The following TP53I3 variants were observed in gnomAD, a reference collection of about 807,000 sequenced individuals.
The protein encoded by TP53I3 is quinone oxidoreductase PIG3.
In TP53I3, 32 loss-of-function variants were observed where a neutral mutation model predicts 27.7. The ratio of observed to expected loss-of-function variants is 1.16; its 90% CI spans 0.87 to 1.55. The LOEUF is 1.55. Ranked by LOEUF, TP53I3 falls within the 40% of genes most tolerant of loss-of-function variation. TP53I3 has a pLI of 0.00. For missense variants in TP53I3, 372 were observed against 412.3 expected, an observed-to-expected ratio of 0.90 and a Z score of 0.85; for synonymous variants, 138 against 167.8, an observed-to-expected ratio of 0.82 and a Z score of 1.37.
Position 24,084,217 on chromosome 2 carries a change from C to G in TP53I3, c.110G>C (p.Ser37Thr), listed in dbSNP as rs1665148157. Residue 37 changes from serine (S) to threonine (T), a missense_variant, in exon 1 of 5, where the codon AGC becomes ACC. Ser to Thr is a moderately conservative substitution (Grantham distance 58). Transcript: ENST00000238721. The surrounding 1 kb of genome is among the most constrained non-coding windows in gnomAD (Gnocchi z 8.4). ...EGEVLLKVAASALNRADLMQR... is the reference protein window; with the variant it reads ...EGEVLLKVAATALNRADLMQR... Reference sequence around the variant, plus strand: ...CATTAAGTCCGCCCGGTTCAGGGCGCTGGCCGCCACCTTCAGGAGGACTTC... The same window carrying G: ...CATTAAGTCCGCCCGGTTCAGGGCGGTGGCCGCCACCTTCAGGAGGACTTC... 6.2e-7 allele frequency: 1 copy of G among 1,613,664 alleles called. No homozygotes were observed. Among genetic ancestry groups the G allele is most frequent in the African/African-American group, 1.3e-5 (1 of 74,942 alleles).
Position 24,082,997 on chromosome 2 carries a change from G to A in TP53I3, c.294C>T (p.Tyr98=), listed in dbSNP as rs2303288. Reference sequence around the variant, plus strand: ...TGAGGAGCCCTTCGGGGACAGTGACGTACTGAGCCTGGCCCCCACCGGGGA... The same window carrying A: ...TGAGGAGCCCTTCGGGGACAGTGACATACTGAGCCTGGCCCCCACCGGGGA... ...ALLPGGGQAQ[Y]VTVPEGLLMP... Residue 98 remains tyrosine, a synonymous_variant, in exon 2 of 5, where the codon TAC becomes TAT. Coordinates refer to ENST00000238721, the MANE Select transcript of TP53I3 (RefSeq NM_004881.5). 1.9e-5 allele frequency: 31 copies of A among 1,614,142 alleles called. No homozygotes were observed. The highest frequency in any genetic ancestry group is 1.8e-4 in the East Asian group (8 of 44,878).
rs969440444 is a variant in TP53I3 at position 24,084,450 on chromosome 2, C to T, written c.-124G>A. ...CTGTATCCTCGCGGAGCAGCCCAGC[C>T]TCAGGCTGGCACCGCAGCGCCCCCT... On this transcript the variant is annotated 5_prime_UTR_variant, in exon 1 of 5. Transcript: ENST00000238721. This position sits in a 1 kb window ranked among gnomAD's most constrained non-coding sequence, Gnocchi z 8.4. 7.9e-7 allele frequency: 1 copy of T among 1,262,582 alleles called. No homozygotes were observed. Among genetic ancestry groups the T allele is most frequent in the African/African-American group, 1.6e-5 (1 of 64,192 alleles). The allele number at this position is 1,262,582 out of a possible 1,614,324, so 78.2% of individuals were successfully genotyped here.
chr2:24,080,873 C>T lies in TP53I3; in HGVS notation c.565G>A (p.Gly189Arg). The change falls in exon 3 of 5, where the codon GGA becomes AGA. Residue 189 changes from glycine to arginine, a missense_variant. Coordinates refer to ENST00000238721, the MANE Select transcript of TP53I3 (RefSeq NM_004881.5). The surrounding 1 kb of genome is among the most constrained non-coding windows in gnomAD (Gnocchi z 4.7). The part of the protein sequence containing the change: ...QMAEKLGAAA[G>R]FNYKKEDFSE... ...AAATCCTCTTTTTTGTAATTGAATCCAGCAGCTGCTCCAAGCTTTTCTGCC... is the reference window on the plus strand; with the variant it reads ...AAATCCTCTTTTTTGTAATTGAATCTAGCAGCTGCTCCAAGCTTTTCTGCC... 6.2e-7 allele frequency: 1 copy of T among 1,614,116 alleles called. No individual in the cohort carries two copies. Among genetic ancestry groups the T allele is most frequent in the African/African-American group, 1.3e-5 (1 of 75,012 alleles).
At position 24,084,194 on chromosome 2, in the gene TP53I3, T is replaced by A; in HGVS notation, c.133A>T (p.Met45Leu). Residue 45 changes from methionine to leucine, a missense_variant, in exon 1 of 5, where the codon ATG becomes TTG. Coordinates refer to ENST00000238721, the MANE Select transcript of TP53I3 (RefSeq NM_004881.5). The surrounding 1 kb of genome is among the most constrained non-coding windows in gnomAD (Gnocchi z 8.4). ...CGCGGCTGAGCCCTGGGTACCTGCA[T>A]TAAGTCCGCCCGGTTCAGGGCGCTG... ...AASALNRADL[M>L]QRQGQYDPPP... The A allele has an allele frequency of 6.2e-7, 1 of 1,612,238 alleles. No individual in the cohort carries two copies. Among genetic ancestry groups the A allele is most frequent in the Non-Finnish European group, 8.5e-7 (1 of 1,179,498 alleles).
rs770084965 is a variant in TP53I3 at position 24,083,068 on chromosome 2, C to A, written c.223G>T (p.Gly75Cys). The A allele has an allele frequency of 8.1e-6, 13 of 1,614,168 alleles. No individual in the cohort carries two copies. The East Asian group carries it at 2.7e-4, about 33-fold the overall frequency. The change falls in exon 2 of 5, where the codon GGC becomes TGC. Residue 75 changes from glycine to cysteine, a missense_variant. Physicochemically the swap from Gly to Cys is radical, Grantham distance 159. Coordinates refer to ENST00000238721, the MANE Select transcript of TP53I3 (RefSeq NM_004881.5). Reference protein sequence around the residue: ...ASGHVAELGPGCQGHWKIGDT... With the variant: ...ASGHVAELGPCCQGHWKIGDT... ...CCGATCTTCCAGTGTCCCTGGCAGCCAGGCCCCAGCTCTGCCACATGTCCA... is the reference window on the plus strand; with the variant it reads ...CCGATCTTCCAGTGTCCCTGGCAGCAAGGCCCCAGCTCTGCCACATGTCCA...
rs2150986517 is a variant in TP53I3 at position 24,083,007 on chromosome 2, T to C, written c.284A>G (p.Gln95Arg). ...TTCGGGGACAGTGACGTACTGAGCC[T>C]GGCCCCCACCGGGGAGCAGAGCCAT... Reference protein sequence around the residue: ...TAMALLPGGGQAQYVTVPEGL... With the variant: ...TAMALLPGGGRAQYVTVPEGL... Residue 95 changes from glutamine to arginine, a missense_variant, in exon 2 of 5, where the codon CAG (glutamine) becomes CGG (arginine). Physicochemically the swap from Gln to Arg is conservative, Grantham distance 43. Transcript: ENST00000238721. 1 of 1,614,192 alleles carries C rather than the reference T, an allele frequency of 6.2e-7. No individual in the cohort carries two copies. The highest frequency in any genetic ancestry group is 2.2e-5 in the East Asian group (1 of 44,874).
At position 24,077,462 on chromosome 2, in the gene TP53I3, A is replaced by G; in HGVS notation, c.*117T>C. On this transcript the variant is annotated 3_prime_UTR_variant, in exon 5 of 5. Coordinates refer to ENST00000238721, the MANE Select transcript of TP53I3 (RefSeq NM_004881.5). The surrounding 1 kb of genome is among the most constrained non-coding windows in gnomAD (Gnocchi z 5.5). ...AGTTCACTCTTTATTTCCTCATATC[A>G]GCTTTAAACGGCTCTGGAGGAAGCA... 1 of 1,219,446 alleles carries G rather than the reference A, an allele frequency of 8.2e-7. No homozygotes were observed. The highest frequency in any genetic ancestry group is 1.1e-6 in the Non-Finnish European group (1 of 910,082). 75.5% of individuals were successfully genotyped at this position (1,219,446 alleles called of 1,614,324 possible).
chr2:24,083,220 C>T, intron 1 of TP53I3, 68 bp from the exon 2 acceptor site: 1 of 1,478,028 alleles, frequency 6.8e-7, no homozygotes, highest in Non-Finnish European at 9.0e-7. Flanking sequence ...CCCCTGGCCC[C>T]CCTTCCAAGA....
chr2:24,082,985 G>C lies in TP53I3; in HGVS notation c.306C>G (p.Pro102=), dbSNP rs149172944. 6.2e-7 allele frequency: 1 copy of C among 1,614,060 alleles called. No individual in the cohort carries two copies. The highest frequency in any genetic ancestry group is 1.3e-5 in the African/African-American group (1 of 74,932). Residue 102 remains proline, a synonymous_variant, in exon 2 of 5, where the codon CCC becomes CCG. Transcript: ENST00000238721. ...CTGGGATAGGCATGAGGAGCCCTTC[G>C]GGGACAGTGACGTACTGAGCCTGGC... is the stretch of plus-strand genomic sequence containing the variant. ...GGGQAQYVTV[P]EGLLMPIPEG...
At position 24,077,803 on chromosome 2, in the gene TP53I3, C is replaced by T. The variant is rs1284851923; in HGVS notation, c.817-42G>A. 6.3e-7 allele frequency: 1 copy of T among 1,580,544 alleles called. No individual in the cohort carries two copies. The highest frequency in any genetic ancestry group is 8.6e-7 in the Non-Finnish European group (1 of 1,161,020). On this transcript the variant is annotated intron_variant, in intron 4 of 4. Transcript: ENST00000238721. This position sits in a 1 kb window ranked among gnomAD's most constrained non-coding sequence, Gnocchi z 5.5. The stretch of plus-strand genomic sequence containing the variant: ...GAGATCATCAGCCTGGGGAGAGAGC[C>T]TCACCCTGCCCTCCTCATCCTCCTC...
Position 24,077,706 on chromosome 2 carries a change from G to A in TP53I3, c.872C>T (p.Thr291Met), listed in dbSNP as rs1488967764. Reference sequence around the variant, plus strand: ...CGGCAGCAGACGTTGGGGGCCCTCCGTGGAGAAGTGAGGCAGAATTTGCTC... The same window carrying A: ...CGGCAGCAGACGTTGGGGGCCCTCCATGGAGAAGTGAGGCAGAATTTGCTC... ...FTEQILPHFS[T>M]EGPQRLLPVL... Residue 291 changes from threonine to methionine, a missense_variant, in exon 5 of 5, where the codon ACG (threonine) becomes ATG (methionine). By Grantham distance (81) the Thr-to-Met change is moderately conservative (BLOSUM62 -1). Coordinates refer to ENST00000238721, the MANE Select transcript of TP53I3 (RefSeq NM_004881.5). This position sits in a 1 kb window ranked among gnomAD's most constrained non-coding sequence, Gnocchi z 5.5. 6 of 1,613,952 alleles carry A rather than the reference G, an allele frequency of 3.7e-6. No individual in the cohort carries two copies. The highest frequency in any genetic ancestry group is 5.1e-6 in the Non-Finnish European group (6 of 1,179,978).
intron 1 of TP53I3, 96 bp from the exon 2 acceptor site, chr2:24,083,248 C>CA: frequency 1.5e-6 from 2 of 1,362,742 alleles, no homozygotes; most frequent in East Asian, 4.7e-5. Flanking sequence ...TTTTTTTTTT[C>CA]AAAAATAAAT....
chr2:24,081,106 A>T, intron 2 of TP53I3, 75 bp from the exon 3 acceptor site: 1 of 1,234,984 alleles, frequency 8.1e-7, no homozygotes, highest in South Asian at 1.6e-5. Context: ...TTCTATCAAG[A>T]TCACCTGGCC....
Position 24,084,517 on chromosome 2 carries a change from C to G in TP53I3, c.-191G>C. ...CTGCCCTGGTCTGCCGCGGACCCGG[C>G]CTCCGCCCCGAGCTCCTGCCTGGGA... On this transcript the variant is annotated 5_prime_UTR_variant, in exon 1 of 5. Transcript: ENST00000238721. This position sits in a 1 kb window ranked among gnomAD's most constrained non-coding sequence, Gnocchi z 8.4. 1 of 747,892 alleles carries G rather than the reference C, an allele frequency of 1.3e-6. No homozygotes were observed. The highest frequency in any genetic ancestry group is 2.4e-5 in the South Asian group (1 of 42,322). The allele number at this position is 747,892 out of a possible 1,614,324, so 46.3% of individuals were successfully genotyped here.
chr2:24,077,458 T>TTAAAAAA lies in TP53I3; in HGVS notation c.*120_*121insTTTTTTA. On this transcript the variant is annotated 3_prime_UTR_variant, in exon 5 of 5. Coordinates refer to ENST00000238721, the MANE Select transcript of TP53I3 (RefSeq NM_004881.5). The surrounding 1 kb of genome is among the most constrained non-coding windows in gnomAD (Gnocchi z 5.5). Reference sequence around the variant, plus strand: ...TTCCAGTTCACTCTTTATTTCCTCATATCAGCTTTAAACGGCTCTGGAGGA... The same window carrying TTAAAAAA: ...TTCCAGTTCACTCTTTATTTCCTCATTAAAAAAATCAGCTTTAAACGGCTCTGGAGGA... 2 of 1,178,568 alleles carry TTAAAAAA rather than the reference T, an allele frequency of 1.7e-6. No individual in the cohort carries two copies. Among genetic ancestry groups the TTAAAAAA allele is most frequent in the Admixed American group, 2.9e-5 (1 of 34,030 alleles). 73.0% of individuals were successfully genotyped at this position (1,178,568 alleles called of 1,614,324 possible).
At position 24,084,191 on chromosome 2, in the gene TP53I3, G is replaced by T; in HGVS notation, c.136C>A (p.Gln46Lys). The T allele has an allele frequency of 6.2e-7, 1 of 1,611,738 alleles. No homozygotes were observed. The part of the protein sequence containing the change: ...ASALNRADLM[Q>K]RQGQYDPPPG... ...CGGCGCGGCTGAGCCCTGGGTACCT[G>T]CATTAAGTCCGCCCGGTTCAGGGCG... is the stretch of plus-strand genomic sequence containing the variant. The change falls in exon 1 of 5, where the codon CAG becomes AAG. Residue 46 changes from glutamine (Q) to lysine (K), a missense_variant and splice_region_variant. Gln to Lys is a moderately conservative substitution (Grantham distance 53). Transcript: ENST00000238721. This position sits in a 1 kb window ranked among gnomAD's most constrained non-coding sequence, Gnocchi z 8.4.
At position 24,077,443 on chromosome 2, in the gene TP53I3, C is replaced by T; in HGVS notation, c.*136G>A. The T allele has an allele frequency of 9.1e-7, 1 of 1,094,710 alleles. No homozygotes were observed. Among genetic ancestry groups the T allele is most frequent in the African/African-American group, 1.6e-5 (1 of 63,600 alleles). 67.8% of individuals were successfully genotyped at this position (1,094,710 alleles called of 1,614,324 possible). A position where few individuals can be genotyped will look rare whatever the true frequency, so the allele number is the denominator to read the frequency against. ...GTCCGCGTGCCACCCTTCCAGTTCA[C>T]TCTTTATTTCCTCATATCAGCTTTA... On this transcript the variant is annotated 3_prime_UTR_variant, in exon 5 of 5. Transcript: ENST00000238721. This position sits in a 1 kb window ranked among gnomAD's most constrained non-coding sequence, Gnocchi z 5.5.
intron 2 of TP53I3, among the ~76,000 whole-genome samples, chr2:24,081,690 G>GC (rs1209872994): frequency 7.3e-6 from 1 of 137,398 alleles, no homozygotes; most frequent in Non-Finnish European, 1.6e-5. Context: ...CCTTGATACT[G>GC]TTTTTTTTTT....
In TP53I3 at chr2:24,084,418, G is replaced by A. The variant is rs1665170217; in HGVS notation, c.-92C>T. ...GGGCAGGGCAGGACAGGACAGGGCA[G>A]GGGCCGCTGTATCCTCGCGGAGCAG... On this transcript the variant is annotated 5_prime_UTR_variant, in exon 1 of 5. Transcript: ENST00000238721. The surrounding 1 kb of genome is among the most constrained non-coding windows in gnomAD (Gnocchi z 8.4). 9 of 1,415,756 alleles carry A rather than the reference G, an allele frequency of 6.4e-6. No individual in the cohort carries two copies. The highest frequency in any genetic ancestry group is 4.4e-5 in the African/African-American group (3 of 68,808). The allele number at this position is 1,415,756 out of a possible 1,614,324, so 87.7% of individuals were successfully genotyped here.
Sources: allele counts gnomAD v4.1 joint callset (sites outside exome capture counted in the v4.1 genomes callset), GRCh38; gene constraint gnomAD v4.1.1; non-coding constraint Gnocchi (gnomAD v3.1); transcripts MANE v1.5; gene names NCBI Gene and HGNC (gene_info 2026-07-23, HGNC 2026-07-21).